CFAP47: variants seen among roughly 807,000 people sequenced by gnomAD.
CFAP47 encodes the protein cilia- and flagella-associated protein 47.
A neutral mutation model predicts 148.1 loss-of-function variants in CFAP47; 29 were observed. The ratio of observed to expected loss-of-function variants is 0.20; its 90% CI spans 0.15 to 0.27. The LOEUF (loss-of-function observed/expected upper bound fraction) is 0.27, where lower values mean the gene tolerates loss of function less well. Ranked by LOEUF, CFAP47 falls within the 10% of genes least tolerant of loss-of-function variation. The pLI, the probability that CFAP47 is intolerant of heterozygous loss-of-function variation, is 1.00. For synonymous variants in CFAP47, 664 were observed against 577.3 expected, an observed-to-expected ratio of 1.15 and a Z score of -2.15; for missense variants, 1,872 against 1,697.5, an observed-to-expected ratio of 1.10 and a Z score of -1.81.
intron 23 of CFAP47, among the ~76,000 whole-genome samples, chrX:36,032,604 A>G (rs1473675114): frequency 9.0e-6 from 1 of 111,221 alleles, no homozygotes; most frequent in Non-Finnish European, 1.9e-5. Context: ...GAATATCCAA[A>G]ATAGGAAAAA....
At chrX:36,154,066 C>A (rs767029129) in intron 37 of CFAP47, among the ~76,000 whole-genome samples, 1 of 111,992 alleles carries the variant, frequency 8.9e-6, no homozygotes, top group East Asian at 2.8e-4. Flanking sequence ...CCTTATCAAA[C>A]AGTTCCTTGC....
At chrX:36,188,780 G>T (rs782199465) in intron 41 of CFAP47, 90 bp downstream of exon 41, 82 of 285,155 alleles carry the variant, frequency 2.9e-4, no homozygotes, top group African/African-American at 2.2e-3. Flanking sequence ...AACAGGGATG[G>T]TTACAAGAAT....
chrX:36,268,607 G>A (rs192495287), intron 49 of CFAP47, among the ~76,000 whole-genome samples: 266 of 112,268 alleles, frequency 2.4e-3, no homozygotes, highest in Non-Finnish European at 4.1e-3. Flanking sequence ...GATATGCTTA[G>A]CATTTTTATT....
intron 8 of CFAP47, among the ~76,000 whole-genome samples, chrX:35,960,739 C>A (rs1039430384): frequency 3.6e-5 from 4 of 111,241 alleles, no homozygotes. Flanking sequence ...ATTTGCTGAA[C>A]TCATTTATTA....
intron 45 of CFAP47, among the ~76,000 whole-genome samples, chrX:36,214,375 G>A (rs181790578): frequency 5.4e-4 from 60 of 111,585 alleles, no homozygotes; most frequent in African/African-American, 1.8e-3. Context: ...TGAATGTGAA[G>A]TCCTAGAAGA....
At chrX:36,211,305 A>G (rs782219519) in intron 45 of CFAP47, 1 of 256,438 alleles carries the variant, frequency 3.9e-6, no homozygotes, top group Admixed American at 4.2e-5. Flanking sequence ...AAGACATGGC[A>G]AAGGCAGACA....
chrX:36,342,125 T>G (rs781871009), intron 57 of CFAP47, among the ~76,000 whole-genome samples: 1 of 111,783 alleles, frequency 8.9e-6, no homozygotes, highest in African/African-American at 3.2e-5. Flanking sequence ...CTGATGTAAT[T>G]ACTTCCAGCT....
chrX:36,005,322 T>C lies in CFAP47; in HGVS notation c.3417+3615T>C, dbSNP rs184173603. Among the ~76,000 whole-genome samples, 303 of 111,906 alleles carry C rather than the reference T, an allele frequency of 2.7e-3. 3 individuals carry two copies. The highest frequency in any genetic ancestry group is 9.1e-3 in the African/African-American group (281 of 30,923). ...ACTTTTTAAATATAGGTTTTATGGC[T>C]ACATACTTTCCTCTAAATACTGTTT... On this transcript the variant is annotated intron_variant, in intron 21 of 63. Coordinates refer to ENST00000378653, the MANE Select transcript of CFAP47 (RefSeq NM_001304548.2).
intron 39 of CFAP47, among the ~76,000 whole-genome samples, chrX:36,172,794 C>G (rs1020435200): frequency 9.0e-6 from 1 of 111,632 alleles, no homozygotes. Context: ...GCTTTGGTAT[C>G]AGGATGATGC....
intron 8 of CFAP47, among the ~76,000 whole-genome samples, chrX:35,966,050 C>T (rs974869549): frequency 3.7e-5 from 4 of 109,228 alleles, no homozygotes; most frequent in East Asian, 2.9e-4. Flanking sequence ...TCTCTTTCCT[C>T]TTCTGGAGAA....
intron 39 of CFAP47, among the ~76,000 whole-genome samples, chrX:36,173,940 T>A (rs1214913408): frequency 3.6e-5 from 4 of 111,355 alleles, no homozygotes; most frequent in Non-Finnish European, 7.5e-5. Context: ...AGTCTAATTC[T>A]CTTTGTAGGT....
At chrX:35,995,654 T>A (rs1273241308) in intron 18 of CFAP47, among the ~76,000 whole-genome samples, 1 of 111,163 alleles carries the variant, frequency 9.0e-6, no homozygotes, top group Non-Finnish European at 1.9e-5. Context: ...TTTGCTTGAA[T>A]TGGAGGCATC....
chrX:36,352,034 A>G (rs1941746954), intron 59 of CFAP47, among the ~76,000 whole-genome samples: 3 of 111,235 alleles, frequency 2.7e-5, no homozygotes, highest in Non-Finnish European at 3.8e-5. Flanking sequence ...TCTTTAAGCC[A>G]CATTTTCTCT....
At chrX:36,172,478 T>G (rs1212737665) in intron 39 of CFAP47, among the ~76,000 whole-genome samples, 1 of 108,759 alleles carries the variant, frequency 9.2e-6, no homozygotes, top group African/African-American at 3.4e-5. Context: ...GTCCCATCAA[T>G]ACCTAATTTA....
intron 49 of CFAP47, among the ~76,000 whole-genome samples, chrX:36,271,787 C>T (rs1190231557): frequency 1.8e-5 from 2 of 111,306 alleles, no homozygotes; most frequent in East Asian, 2.8e-4. Flanking sequence ...ACCAAATTTA[C>T]GGTGAAGCTT....
At chrX:35,989,769 A>T in intron 16 of CFAP47, 1 of 300,382 alleles carries the variant, frequency 3.3e-6, no homozygotes, top group Non-Finnish European at 5.6e-6. Flanking sequence ...TAAATTCATG[A>T]CTCAATCACC....
chrX:36,193,464 G>C (rs1261311323), intron 42 of CFAP47, among the ~76,000 whole-genome samples: 1 of 110,836 alleles, frequency 9.0e-6, no homozygotes, highest in Non-Finnish European at 1.9e-5. Flanking sequence ...TATTTCATTT[G>C]TCCTTTGATT....
chrX:36,055,848 C>G (rs1044727196), intron 26 of CFAP47, among the ~76,000 whole-genome samples: 4 of 111,710 alleles, frequency 3.6e-5, no homozygotes, highest in African/African-American at 1.3e-4. Context: ...TAATAATCGC[C>G]ATTCTGACTG....
chrX:35,936,012 G>A (rs185576730), intron 2 of CFAP47, among the ~76,000 whole-genome samples: 2 of 111,742 alleles, frequency 1.8e-5, no homozygotes, highest in Admixed American at 9.5e-5. Context: ...TCAGGTTTGG[G>A]TTCACTCAGC....
Sources: gnomAD v4.1 joint callset for allele counts (sites outside exome capture counted in the v4.1 genomes callset) on GRCh38, gnomAD v4.1.1 for gene constraint, MANE v1.5 for transcripts, NCBI Gene and HGNC (gene_info 2026-07-23, HGNC 2026-07-21) for gene names.